The following GVQW3 variants were observed in gnomAD, a reference collection of about 807,000 sequenced individuals.
GVQW3 encodes the protein protein GVQW3.
GVQW3 carries 7 observed loss-of-function variants against 12.5 expected under a neutral mutation model. The ratio of observed to expected loss-of-function variants is 0.56; its 90% confidence interval spans 0.32 to 1.05. The LOEUF is 1.05. GVQW3 is among the 50% of genes least tolerant of loss of function. GVQW3 has a pLI of 0.04. For synonymous variants in GVQW3, 71 were observed against 67.2 expected (o/e 1.06, Z -0.28); for missense variants, 188 against 190.8 (o/e 0.99, Z 0.09).
downstream of GVQW3, chr11:76,413,015 GTCTT>G (rs900550637): frequency 1.3e-5 from 2 of 152,170 alleles, no homozygotes; most frequent in Non-Finnish European, 2.9e-5. Flanking sequence ...TATTTTCTCA[GTCTT>G]TCTATCTTTC....
rs1590827254 is a variant in GVQW3, at chr11:76,407,569, T to A, written c.*3811T>A. ...TCCAGCCTGGGCGGCAGAGCAAGAC[T>A]CCCTCTCAAAAAAAAAAAAAAAAAA... On this transcript the variant is annotated 3_prime_UTR_variant, in exon 2 of 2. Coordinates refer to ENST00000529331, the MANE Select transcript of GVQW3 (RefSeq NM_001347885.2). 2.8e-5 allele frequency: 2 copies of A among 70,548 alleles called. No homozygotes were observed. The highest frequency in any genetic ancestry group is 2.1e-4 in the Admixed American group (1 of 4,676). The allele number at this position is 70,548 out of a possible 1,614,324, so 4.4% of individuals were successfully genotyped here.
At chr11:76,398,859 T>C (rs1277778850) in intron 1 of GVQW3, among the ~76,000 whole-genome samples, 1 of 152,210 alleles carries the variant, frequency 6.6e-6, no homozygotes, top group Non-Finnish European at 1.5e-5. Flanking sequence ...CATCAGAAAA[T>C]GTCTGAAAGT....
At position 76,406,960 on chromosome 11, in the gene GVQW3, G is replaced by C. The variant is rs954294803; in HGVS notation, c.*3202G>C. 2.6e-5 allele frequency: 4 copies of C among 151,778 alleles called. No homozygotes were observed. The highest frequency in any genetic ancestry group is 2.9e-5 in the Non-Finnish European group (2 of 67,974). 9.4% of individuals were successfully genotyped at this position (151,778 alleles called of 1,614,324 possible). ...GAGGCGGAGCTTGCAGTGAGCCAAG[G>C]TCACACCACTGCACTCCAGCCTGGG... On this transcript the variant is annotated 3_prime_UTR_variant, in exon 2 of 2. Transcript: ENST00000529331.
intron 1 of GVQW3, among the ~76,000 whole-genome samples, chr11:76,384,229 A>C (rs1259137107): frequency 6.6e-6 from 1 of 152,248 alleles, no homozygotes; most frequent in African/African-American, 2.4e-5. Flanking sequence ...TAGTAGAGGC[A>C]CAACACTCAT....
rs762552771 is a variant in GVQW3, at chr11:76,401,773, C to CGA, written c.466-1887_466-1886insGA. Reference sequence around the variant, plus strand: ...GGGTGACAAAAGCGAAACTCTGTCTCAAAAAAAAAAAAAAAAAAGAAAGAA... The same window carrying CGA: ...GGGTGACAAAAGCGAAACTCTGTCTCGAAAAAAAAAAAAAAAAAAAGAAAGAA... On this transcript the variant is annotated intron_variant, in intron 1 of 1. Transcript: ENST00000529331. 6.9e-3 allele frequency among the ~76,000 whole-genome samples: 618 copies of CGA among 88,924 alleles called. 1 individual carries two copies. Among genetic ancestry groups the CGA allele is most frequent in the Non-Finnish European group, 0.012 (498 of 43,144 alleles). 58.3% of individuals were successfully genotyped at this position (88,924 alleles called of 152,430 possible).
downstream of GVQW3, chr11:76,410,930 T>G (rs1378085158): frequency 6.6e-6 from 1 of 152,226 alleles, no homozygotes; most frequent in African/African-American, 2.4e-5. Flanking sequence ...TTTATGGGAC[T>G]TCAGGGAATG....
At chr11:76,387,812 A>G (rs951630571) in intron 1 of GVQW3, among the ~76,000 whole-genome samples, 1 of 152,166 alleles carries the variant, frequency 6.6e-6, no homozygotes, top group Non-Finnish European at 1.5e-5. Flanking sequence ...AGTCCCAGCT[A>G]CTTGCAGGGT....
chr11:76,385,873 A>G (rs1358762483), intron 1 of GVQW3, among the ~76,000 whole-genome samples: 2 of 152,154 alleles, frequency 1.3e-5, no homozygotes, highest in African/African-American at 4.8e-5. Context: ...AGGAGGCAAT[A>G]TGGTTACCTC....
chr11:76,400,453 T>C (rs1282128083), intron 1 of GVQW3, among the ~76,000 whole-genome samples: 1 of 151,570 alleles, frequency 6.6e-6, no homozygotes, highest in Non-Finnish European at 1.5e-5. Context: ...GGAGTCTCAC[T>C]TTTGTCGCCC....
At chr11:76,402,910 G>A (rs1947004728) in intron 1 of GVQW3, among the ~76,000 whole-genome samples, 1 of 151,742 alleles carries the variant, frequency 6.6e-6, no homozygotes, top group Admixed American at 6.6e-5. Flanking sequence ...ATGCTGCCTA[G>A]GCTGGAGGTA....
intron 1 of GVQW3, among the ~76,000 whole-genome samples, chr11:76,387,753 CT>C (rs1428538846): frequency 6.6e-6 from 1 of 152,054 alleles, no homozygotes; most frequent in African/African-American, 2.4e-5. Context: ...GAAACCCCAT[CT>C]CTACAAAAAA....
chr11:76,382,403 C>A, intron 1 of GVQW3, 110 bp downstream of exon 1: 1 of 760,984 alleles, frequency 1.3e-6, no homozygotes, highest in Non-Finnish European at 2.3e-6. Flanking sequence ...CTTCTGCAGG[C>A]GTCATCTTCA....
intron 1 of GVQW3, among the ~76,000 whole-genome samples, chr11:76,390,639 C>T (rs1369858271): frequency 1.3e-5 from 2 of 151,930 alleles, no homozygotes; most frequent in Non-Finnish European, 2.9e-5. Context: ...ATCGAGACCA[C>T]GGTGAAACCC....
At chr11:76,384,073 T>A (rs907483414) in intron 1 of GVQW3, among the ~76,000 whole-genome samples, 4 of 152,224 alleles carry the variant, frequency 2.6e-5, no homozygotes, top group African/African-American at 7.2e-5. Flanking sequence ...ATGGAACTTT[T>A]CCCAAGTGGG....
At chr11:76,414,623 A>G (rs1434606828), downstream of GVQW3, 1 of 31,894 alleles carries the variant, frequency 3.1e-5, no homozygotes, top group Non-Finnish European at 1.1e-4. Flanking sequence ...TCCCCACAAA[A>G]AAAAAAAAAA....
intron 1 of GVQW3, among the ~76,000 whole-genome samples, chr11:76,402,851 A>T (rs12420155): frequency 2.0e-5 from 3 of 151,800 alleles, no homozygotes; most frequent in African/African-American, 7.3e-5. Context: ...GGCACACACC[A>T]CCACACCCGA....
chr11:76,400,062 G>A (rs1345059678), intron 1 of GVQW3, among the ~76,000 whole-genome samples: 1 of 141,484 alleles, frequency 7.1e-6, no homozygotes. Context: ...GATCTTGTTG[G>A]TTCTGTTTCC....
intron 1 of GVQW3, among the ~76,000 whole-genome samples, chr11:76,399,799 T>G (rs150333380): frequency 9.1e-4 from 138 of 152,220 alleles, no homozygotes; most frequent in African/African-American, 3.0e-3. Flanking sequence ...GCTCTTTTTT[T>G]GGGTCTCAAG....
At chr11:76,400,017 ACACAC>A (rs1946974092) in intron 1 of GVQW3, among the ~76,000 whole-genome samples, 1 of 147,846 alleles carries the variant, frequency 6.8e-6, no homozygotes. Context: ...ACACACACAC[ACACAC>A]ACACACACAC....
Sources: allele counts gnomAD v4.1 joint callset (sites outside exome capture counted in the v4.1 genomes callset), GRCh38; gene constraint gnomAD v4.1.1; transcripts MANE v1.5; gene names NCBI Gene and HGNC (gene_info 2026-07-23, HGNC 2026-07-21).